The following GNG2 variants were observed in gnomAD, a reference collection of about 807,000 sequenced individuals.
GNG2 encodes the protein guanine nucleotide-binding protein G(I)/G(S)/G(O) subunit gamma-2.
A neutral mutation model predicts 5.5 loss-of-function variants in GNG2; 5 were observed. The ratio of observed to expected loss-of-function variants is 0.91; its 90% confidence interval spans 0.48 to 1.92. The LOEUF is 1.92. Among genes scored for constraint, GNG2 ranks in the 30% most tolerant of loss-of-function variants. The pLI, the probability that GNG2 is intolerant of heterozygous loss-of-function variation, is 0.01. For synonymous variants in GNG2, 28 were observed against 32.0 expected, an observed-to-expected ratio of 0.88 and a Z score of 0.42; for missense variants, 55 against 88.4, an observed-to-expected ratio of 0.62 and a Z score of 1.52.
At chr14:51,853,711 G>A (rs1196319535) in intron 2 of GNG2, among the ~76,000 whole-genome samples, 1 of 152,112 alleles carries the variant, frequency 6.6e-6, no homozygotes, top group Non-Finnish European at 1.5e-5. Flanking sequence ...ACTTCAAAAT[G>A]ACTTACATGT....
chr14:51,841,471 C>G (rs1024562352), intron 2 of GNG2: 1 of 699,280 alleles, frequency 1.4e-6, no homozygotes, highest in African/African-American at 1.8e-5. Flanking sequence ...CTGTAATCCT[C>G]TAAGGTAGAT....
At chr14:51,944,740 GTA>G (rs1318495717) in intron 2 of GNG2, among the ~76,000 whole-genome samples, 2 of 152,168 alleles carry the variant, frequency 1.3e-5, no homozygotes, top group Non-Finnish European at 2.9e-5. Flanking sequence ...CATTGAATTT[GTA>G]TATAACACCA....
intron 3 of GNG2, chr14:51,951,822 G>C: frequency 4.3e-6 from 3 of 696,394 alleles, no homozygotes; most frequent in Non-Finnish European, 7.8e-6. Flanking sequence ...CAGCAGAGTA[G>C]GGTGGTTGTA....
At chr14:51,857,393 A>C (rs1342723746), upstream of GNG2, among the ~76,000 whole-genome samples, 1 of 152,236 alleles carries the variant, frequency 6.6e-6, no homozygotes, top group Non-Finnish European at 1.5e-5. Context: ...TAAGGCTGCG[A>C]CAGGCCCTAA....
At chr14:51,838,286 A>G (rs1035656161) in intron 2 of GNG2, among the ~76,000 whole-genome samples, 1 of 152,130 alleles carries the variant, frequency 6.6e-6, no homozygotes. Flanking sequence ...TCTACTAAAA[A>G]TCCAAAAATT....
At chr14:51,875,659 G>C (rs1413194429) in intron 1 of GNG2, among the ~76,000 whole-genome samples, 1 of 151,018 alleles carries the variant, frequency 6.6e-6, no homozygotes, top group African/African-American at 2.4e-5. Flanking sequence ...TATAATACAT[G>C]TTAGTGCATA....
chr14:51,841,783 T>A (rs1019177692), intron 2 of GNG2, among the ~76,000 whole-genome samples: 10 of 152,316 alleles, frequency 6.6e-5, no homozygotes, highest in Non-Finnish European at 1.3e-4. Flanking sequence ...ATGCTTTTCT[T>A]TGGGGCCATA....
upstream of GNG2, among the ~76,000 whole-genome samples, chr14:51,858,690 A>G (rs576147769): frequency 6.6e-6 from 1 of 152,278 alleles, no homozygotes; most frequent in Admixed American, 6.5e-5. Flanking sequence ...CATCATGCAT[A>G]TTTAAATTTA....
At chr14:51,876,896 C>T (rs1883711553) in intron 1 of GNG2, among the ~76,000 whole-genome samples, 1 of 152,128 alleles carries the variant, frequency 6.6e-6, no homozygotes, top group Non-Finnish European at 1.5e-5. Flanking sequence ...GAAAGTGTTC[C>T]TTGAGGCTTT....
chr14:51,835,661 C>G (rs1000247165), intron 2 of GNG2, among the ~76,000 whole-genome samples: 5 of 152,176 alleles, frequency 3.3e-5, no homozygotes, highest in Admixed American at 6.5e-5. Context: ...ATCCACTGCT[C>G]CCCTGACCTA....
chr14:51,933,329 G>A (rs1705059617), intron 2 of GNG2, among the ~76,000 whole-genome samples: 1 of 152,138 alleles, frequency 6.6e-6, no homozygotes, highest in Non-Finnish European at 1.5e-5. Flanking sequence ...TGTCGTTGCA[G>A]GAAAGGCGCT....
intron 2 of GNG2, among the ~76,000 whole-genome samples, chr14:51,879,953 A>C (rs28459525): frequency 0.014 from 2,108 of 152,332 alleles, 57 homozygotes; most frequent in African/African-American, 0.049. Flanking sequence ...GAAAGGTAGA[A>C]ATGCTTCAGG....
At chr14:51,840,136 T>A (rs1469245350) in intron 2 of GNG2, among the ~76,000 whole-genome samples, 1 of 152,212 alleles carries the variant, frequency 6.6e-6, no homozygotes, top group African/African-American at 2.4e-5. Context: ...GTGAAATCAC[T>A]GCTCCACCTG....
intron 2 of GNG2, among the ~76,000 whole-genome samples, chr14:51,907,209 T>C (rs1169636452): frequency 6.6e-6 from 1 of 152,214 alleles, no homozygotes; most frequent in East Asian, 1.9e-4. Flanking sequence ...TGGGAGAAAT[T>C]GGTTCCTTCC....
chr14:51,914,144 G>C (rs946594858), intron 2 of GNG2: 14 of 683,122 alleles, frequency 2.0e-5, no homozygotes, highest in Admixed American at 8.7e-5. Flanking sequence ...TGTTTTTGGG[G>C]GAATGGAGTC....
chr14:51,880,257 G>A (rs1446524156), intron 2 of GNG2, among the ~76,000 whole-genome samples: 1 of 152,178 alleles, frequency 6.6e-6, no homozygotes, highest in Non-Finnish European at 1.5e-5. Context: ...ACAAGGTCTT[G>A]AACAGAACCA....
chr14:51,842,673 T>C (rs1356320891), intron 2 of GNG2, among the ~76,000 whole-genome samples: 1 of 151,844 alleles, frequency 6.6e-6, no homozygotes, highest in Admixed American at 6.6e-5. Context: ...AGAATTTTTT[T>C]TTTTTTTTTG....
At chr14:51,950,821 G>A (rs1421298198) in intron 3 of GNG2, 56 bp downstream of exon 3, 3 of 1,017,442 alleles carry the variant, frequency 2.9e-6, no homozygotes, top group Non-Finnish European at 4.3e-6. Context: ...CGCATGTCAT[G>A]TGACCACTCT....
rs1890076046 is a variant in GNG2, at chr14:51,968,979, G to A, written c.*2292G>A. 1 of 152,118 alleles carries A rather than the reference G, an allele frequency of 6.6e-6. No individual in the cohort carries two copies. Among genetic ancestry groups the A allele is most frequent in the Non-Finnish European group, 1.5e-5 (1 of 68,006 alleles). The allele number at this position is 152,118 out of a possible 1,614,324, so 9.4% of individuals were successfully genotyped here. ...TGTTTTGGCTTTTTCATAATTTTAT[G>A]TCTTACAGTATGGAATTATAATACG... is the stretch of plus-strand genomic sequence containing the variant. On this transcript the variant is annotated 3_prime_UTR_variant, in exon 4 of 4. Transcript: ENST00000556766.
Sources: gnomAD v4.1 joint callset for allele counts (sites outside exome capture counted in the v4.1 genomes callset) on GRCh38, gnomAD v4.1.1 for gene constraint, MANE v1.5 for transcripts, NCBI Gene and HGNC (gene_info 2026-07-23, HGNC 2026-07-21) for gene names.